Variants in HEXD observed in about 807,000 individuals in gnomAD.
HEXD encodes the protein hexosaminidase D.
In HEXD, 47 loss-of-function variants were observed where a neutral mutation model predicts 54.2. The ratio of observed to expected loss-of-function variants is 0.87; its 90% confidence interval spans 0.69 to 1.11. The LOEUF is 1.11. HEXD is among the 50% of genes least tolerant of loss of function. The pLI, the probability that HEXD is intolerant of heterozygous loss-of-function variation, is 0.00. For synonymous variants in HEXD, 293 were observed against 287.6 expected, an observed-to-expected ratio of 1.02 and a Z score of -0.19; for missense variants, 576 against 649.2, an observed-to-expected ratio of 0.89 and a Z score of 1.23.
intron 4 of HEXD, among the ~76,000 whole-genome samples, chr17:82,433,108 ATATATATATATATATATATAT>A (rs2053642088): frequency 5.7e-5 from 1 of 17,654 alleles, no homozygotes; most frequent in Non-Finnish European, 8.1e-5. Flanking sequence ...ATATATATAT[ATATATATATATATATATATAT>A]TTTTTTTTTT....
At chr17:82,423,376 G>GGA (rs1225350788) in intron 2 of HEXD, 5 of 152,222 alleles carry the variant, frequency 3.3e-5, no homozygotes, top group African/African-American at 9.7e-5. Flanking sequence ...TGTCATCCAG[G>GGA]AGGCCTAGCA....
At chr17:82,440,796 T>C (rs1057006551) in intron 9 of HEXD, among the ~76,000 whole-genome samples, 2 of 152,220 alleles carry the variant, frequency 1.3e-5, no homozygotes, top group African/African-American at 4.8e-5. Flanking sequence ...ATAAGGAACG[T>C]ATTTCACGTG....
chr17:82,429,761 C>A (rs1487037856), intron 4 of HEXD, among the ~76,000 whole-genome samples: 3 of 152,126 alleles, frequency 2.0e-5, no homozygotes, highest in Non-Finnish European at 4.4e-5. Context: ...CTGTAGCTGG[C>A]GGTCCCCAGG....
intron 4 of HEXD, 88 bp downstream of exon 4, chr17:82,428,733 C>A: frequency 1.8e-6 from 2 of 1,110,334 alleles, no homozygotes; most frequent in Non-Finnish European, 2.8e-6. Context: ...GGGGTGGGTG[C>A]AGCGGGCCCA....
intron 4 of HEXD, among the ~76,000 whole-genome samples, chr17:82,430,210 G>A (rs573461374): frequency 2.6e-5 from 4 of 152,190 alleles, no homozygotes; most frequent in African/African-American, 7.2e-5. Context: ...ACTCACACTC[G>A]CCATCTCCTC....
At chr17:82,424,700 C>G (rs2053346140) in intron 3 of HEXD, among the ~76,000 whole-genome samples, 197 bp downstream of exon 3, 1 of 152,262 alleles carries the variant, frequency 6.6e-6, no homozygotes, top group Non-Finnish European at 1.5e-5. Flanking sequence ...CAAACATTCA[C>G]TGGAGAGAAT....
rs546281163 is a variant in HEXD, at chr17:82,421,904, C to T, written c.84+2021C>T. On this transcript the variant is annotated intron_variant, in intron 2 of 12. Coordinates refer to ENST00000327949, the MANE Select transcript of HEXD (RefSeq NM_001330542.2). ...AGGTAAGAAAAAAGAAGGCCAGGCA[C>T]GGTGGCTCACGCCTGTAATCCCAGC... 2.0e-5 allele frequency among the ~76,000 whole-genome samples: 3 copies of T among 151,118 alleles called. No individual in the cohort carries two copies. In the South Asian group the frequency reaches 6.3e-4, roughly 32 times the overall value.
At chr17:82,433,544 C>T (rs2053671284) in intron 4 of HEXD, 114 bp from the exon 5 acceptor site, 3 of 1,068,570 alleles carry the variant, frequency 2.8e-6, no homozygotes, top group Admixed American at 6.4e-5. Flanking sequence ...AGACTCTCTG[C>T]CTGGCCTAAT....
chr17:82,430,738 AT>A lies in HEXD; in HGVS notation c.282+2103del, dbSNP rs369954186. ...AAATAACTGCTCAGGTGTTTTGCCC[AT>A]TTTTTTTTTCAACTTGAGTTTTTAA... is the stretch of plus-strand genomic sequence containing the variant. On this transcript the variant is annotated intron_variant, in intron 4 of 12. Transcript: ENST00000327949. Among the ~76,000 whole-genome samples, 527 of 145,070 alleles carry A rather than the reference AT, an allele frequency of 3.6e-3. 3 individuals are homozygous for A. Among genetic ancestry groups the A allele is most frequent in the African/African-American group, 0.013 (500 of 39,428 alleles).
Position 82,441,247 on chromosome 17 carries a change from G to A in HEXD, c.1144G>A (p.Ala382Thr), listed in dbSNP as rs1350509361. 2 of 1,612,246 alleles carry A rather than the reference G, an allele frequency of 1.2e-6. No individual in the cohort carries two copies. The highest frequency in any genetic ancestry group is 2.7e-5 in the African/African-American group (2 of 74,852). ...CCTCCATCTGCGCAGCTCTGTGGATGCGCTGCTGGAGGGCAACAGGTGAGC... is the reference window on the plus strand; with the variant it reads ...CCTCCATCTGCGCAGCTCTGTGGATACGCTGCTGGAGGGCAACAGGTGAGC... ...VSLHLRSSVD[A>T]LLEGNRYVTG... The change falls in exon 11 of 13, where the codon GCG (alanine) becomes ACG (threonine). Residue 382 changes from alanine (A) to threonine (T), a missense_variant. Coordinates refer to ENST00000327949, the MANE Select transcript of HEXD (RefSeq NM_001330542.2).
At chr17:82,422,152 G>A (rs2053253217) in intron 2 of HEXD, among the ~76,000 whole-genome samples, 2 of 144,836 alleles carry the variant, frequency 1.4e-5, no homozygotes, top group Admixed American at 6.9e-5. Flanking sequence ...GGTGACAAGA[G>A]TGAGACTCTG....
chr17:82,435,606 C>CGT, intron 5 of HEXD, 83 bp from the exon 6 acceptor site: 1 of 1,418,230 alleles, frequency 7.1e-7, no homozygotes, highest in Non-Finnish European at 9.7e-7. Context: ...GGCCCCTCTC[C>CGT]GTCAGGGCAC....
chr17:82,420,856 G>A (rs72857455), intron 2 of HEXD, among the ~76,000 whole-genome samples: 455 of 152,178 alleles, frequency 3.0e-3, no homozygotes, highest in Non-Finnish European at 3.9e-3. Context: ...GTGAGCCACC[G>A]CACCCGGCCA....
chr17:82,441,967 CT>C (rs1387227446), intron 12 of HEXD, 78 bp downstream of exon 12: 1 of 1,461,078 alleles, frequency 6.8e-7, no homozygotes, highest in African/African-American at 1.4e-5. Context: ...TGTCCCTCAA[CT>C]AGAGAGCAGA....
chr17:82,441,911 G>C (rs1198586221), intron 12 of HEXD, 22 bp downstream of exon 12: 4 of 1,608,094 alleles, frequency 2.5e-6, no homozygotes, highest in East Asian at 4.5e-5. Flanking sequence ...GGCTCTTATA[G>C]GCCGTGCAGC....
At position 82,433,799 on chromosome 17, in the gene HEXD, C is replaced by T. The variant is rs983012352; in HGVS notation, c.424C>T (p.Arg142Trp). Reference protein sequence around the residue: ...QVLELHPGAQRLHIGCDEVYY... With the variant: ...QVLELHPGAQWLHIGCDEVYY... ...CCTGGAGCTACACCCAGGCGCCCAG[C>T]GGCTGCACATCGGGTGTGATGAGGT... The change falls in exon 5 of 13, where the codon CGG becomes TGG. Residue 142 changes from arginine (R) to tryptophan (W), a missense_variant. Coordinates refer to ENST00000327949, the MANE Select transcript of HEXD (RefSeq NM_001330542.2). 8 of 1,612,756 alleles carry T rather than the reference C, an allele frequency of 5.0e-6. No homozygotes were observed. Among genetic ancestry groups the T allele is most frequent in the African/African-American group, 1.3e-5 (1 of 75,020 alleles).
chr17:82,441,590 G>A (rs1220309877), intron 11 of HEXD, among the ~76,000 whole-genome samples: 1 of 151,460 alleles, frequency 6.6e-6, no homozygotes, highest in Non-Finnish European at 1.5e-5. Context: ...GGGTGAGGGG[G>A]GTAGGGACAG....
chr17:82,440,949 C>G, intron 9 of HEXD, 48 bp from the exon 10 acceptor site: 1 of 1,605,166 alleles, frequency 6.2e-7, no homozygotes, highest in Non-Finnish European at 8.5e-7. Flanking sequence ...TAGCCCCCTC[C>G]CCTCCTCCAG....
Position 82,442,529 on chromosome 17 carries a change from G to A in HEXD, c.*145G>A, listed in dbSNP as rs769053330. On this transcript the variant is annotated 3_prime_UTR_variant, in exon 13 of 13. Transcript: ENST00000327949. The surrounding 1 kb of genome is among the most constrained non-coding windows in gnomAD (Gnocchi z 6.8). ...CACACTCAGTTCCTGAGGGCCCTGG[G>A]CAGCCCCTGGGGGAGAGACTAGAAA... 3 of 1,591,022 alleles carry A rather than the reference G, an allele frequency of 1.9e-6. No individual in the cohort carries two copies. The highest frequency in any genetic ancestry group is 2.6e-6 in the Non-Finnish European group (3 of 1,161,306).
Sources: allele counts gnomAD v4.1 joint callset (sites outside exome capture counted in the v4.1 genomes callset), GRCh38; gene constraint gnomAD v4.1.1; non-coding constraint Gnocchi (gnomAD v3.1); transcripts MANE v1.5; gene names NCBI Gene and HGNC (gene_info 2026-07-23, HGNC 2026-07-21).